The following STIL variants were observed in gnomAD, a reference collection of about 807,000 sequenced individuals.
STIL encodes SCL-interrupting locus protein.
In STIL, 55 loss-of-function variants were observed where a neutral mutation model predicts 110.1. The ratio of observed to expected loss-of-function variants is 0.50; its 90% CI spans 0.40 to 0.63. The LOEUF is 0.63. STIL is among the 20% of genes least tolerant of loss of function. STIL has a pLI of 0.00. For missense variants in STIL, 1,358 were observed against 1,530.0 expected (o/e 0.89, Z 1.87); for synonymous variants, 481 against 530.0 (o/e 0.91, Z 1.27).
chr1:47,284,759 GCACACCTGTAAT>G (rs1645245525), intron 10 of STIL, among the ~76,000 whole-genome samples: 1 of 151,946 alleles, frequency 6.6e-6, no homozygotes, highest in African/African-American at 2.4e-5. Flanking sequence ...GCGTGGTGAT[GCACACCTGTAAT>G]CCCAGCTACT....
rs755519709 is a variant in STIL at position 47,280,287 on chromosome 1, C to T, written c.2171G>A (p.Arg724Gln). 5.6e-6 allele frequency: 9 copies of T among 1,614,040 alleles called. No homozygotes were observed. Among genetic ancestry groups the T allele is most frequent in the Admixed American group, 5.0e-5 (3 of 60,000 alleles). ...GMMGLSPDAY[R>Q]FLTEQDRQLR... ...CTGTCTGTCTTGTTCTGTGAGGAAC[C>T]GATATGCATCTGGAGATAGTCCCAT... is the stretch of plus-strand genomic sequence containing the variant. The change falls in exon 12 of 17, where the codon CGG (arginine) becomes CAG (glutamine). Residue 724 changes from arginine (R) to glutamine (Q), a missense_variant. Coordinates refer to ENST00000371877, the MANE Select transcript of STIL (RefSeq NM_001048166.1).
At chr1:47,256,023 A>G (rs866496102) in intron 16 of STIL, among the ~76,000 whole-genome samples, 9 of 152,374 alleles carry the variant, frequency 5.9e-5, no homozygotes, top group Admixed American at 2.0e-4. Flanking sequence ...AGCATGGATT[A>G]TAAGGATTAG....
Position 47,302,563 on chromosome 1 carries a change from A to G in STIL, c.153-217T>C, listed in dbSNP as rs74935306. Among the ~76,000 whole-genome samples, 953 of 152,324 alleles carry G rather than the reference A, an allele frequency of 6.3e-3. 11 individuals are homozygous for G. The highest frequency in any genetic ancestry group is 0.021 in the African/African-American group (873 of 41,576). On this transcript the variant is annotated intron_variant, in intron 3 of 16. Coordinates refer to ENST00000371877, the MANE Select transcript of STIL (RefSeq NM_001048166.1). ...CTGAAACTATAGTTGTTCTCCAGGC[A>G]TTTTGTTAACTTTATGAACCTCAGC...
intron 12 of STIL, among the ~76,000 whole-genome samples, chr1:47,277,186 A>G (rs765042160): frequency 2.0e-5 from 3 of 152,214 alleles, no homozygotes; most frequent in Non-Finnish European, 4.4e-5. Context: ...CCAAGGAGGA[A>G]TATTTCAGGC....
chr1:47,278,673 T>C (rs1486921518), intron 12 of STIL, among the ~76,000 whole-genome samples: 2 of 152,120 alleles, frequency 1.3e-5, no homozygotes, highest in African/African-American at 4.8e-5. Flanking sequence ...ATCCAATTTA[T>C]ATTTTACATT....
In STIL at chr1:47,310,328, G is replaced by A; in HGVS notation, c.-9C>T. The stretch of plus-strand genomic sequence containing the variant: ...GGATATATAGGCTCCATGATGTCTG[G>A]TGAATGATTTCTTTAATTCCAAATC... On this transcript the variant is annotated 5_prime_UTR_variant, in exon 2 of 17. Coordinates refer to ENST00000371877, the MANE Select transcript of STIL (RefSeq NM_001048166.1). 6.2e-7 allele frequency: 1 copy of A among 1,612,210 alleles called. No homozygotes were observed.
At chr1:47,285,002 C>T (rs1325191170) in intron 10 of STIL, among the ~76,000 whole-genome samples, 1 of 149,802 alleles carries the variant, frequency 6.7e-6, no homozygotes, top group Non-Finnish European at 1.5e-5. Context: ...TACCAGCCTA[C>T]CTGTAGACAT....
intron 2 of STIL, among the ~76,000 whole-genome samples, chr1:47,308,420 G>T (rs1169158501): frequency 1.2e-4 from 2 of 16,376 alleles, no homozygotes; most frequent in Non-Finnish European, 3.0e-4. Context: ...AAAAGAAAAA[G>T]AAAATGGAAA....
rs181236980 is a variant in STIL, at chr1:47,299,768, T to C, written c.701+137A>G. The C allele has an allele frequency of 2.5e-5, 24 of 946,476 alleles. No individual in the cohort carries two copies. The East Asian group carries it at 5.9e-4, about 23-fold the overall frequency. 58.6% of individuals were successfully genotyped at this position (946,476 alleles called of 1,614,324 possible). A position where few individuals can be genotyped will look rare whatever the true frequency, so the allele number is the denominator to read the frequency against. On this transcript the variant is annotated intron_variant, in intron 6 of 16. Transcript: ENST00000371877. ...TTCAACGAAAATAAACCATTTCATTTTTTACTTTCCCTGGTTATTAACCAA... is the reference window on the plus strand; with the variant it reads ...TTCAACGAAAATAAACCATTTCATTCTTTACTTTCCCTGGTTATTAACCAA...
At position 47,280,619 on chromosome 1, in the gene STIL, T is replaced by C. The variant is rs778639072; in HGVS notation, c.1839A>G (p.Gln613=). The C allele has an allele frequency of 6.2e-6, 10 of 1,614,214 alleles. No individual in the cohort carries two copies. Among genetic ancestry groups the C allele is most frequent in the South Asian group, 1.1e-5 (1 of 91,084 alleles). Residue 613 remains glutamine (Q), a synonymous_variant, in exon 12 of 17, where the codon CAA becomes CAG. Coordinates refer to ENST00000371877, the MANE Select transcript of STIL (RefSeq NM_001048166.1). ...CRCCQHHSHI[Q]YSPLNSWQGA... is the part of the protein sequence containing the mutation. ...CTTGCCAAGAATTTAGCGGACTATATTGAATATGACTATGATGCTGACAAC... is the reference window on the plus strand; with the variant it reads ...CTTGCCAAGAATTTAGCGGACTATACTGAATATGACTATGATGCTGACAAC...
intron 5 of STIL, among the ~76,000 whole-genome samples, chr1:47,301,280 C>A (rs1232749980): frequency 6.6e-6 from 1 of 152,146 alleles, no homozygotes; most frequent in Non-Finnish European, 1.5e-5. Context: ...ATACTCCAGT[C>A]TGACTGCCCA....
At chr1:47,254,636 C>T (rs1644279366) in intron 16 of STIL, among the ~76,000 whole-genome samples, 9 of 151,698 alleles carry the variant, frequency 5.9e-5, no homozygotes, top group Admixed American at 5.9e-4. Flanking sequence ...ACTCAAGTGA[C>T]CCTCCTACCT....
chr1:47,285,591 G>A (rs1645273818), intron 10 of STIL, among the ~76,000 whole-genome samples: 1 of 152,082 alleles, frequency 6.6e-6, no homozygotes, highest in Middle Eastern at 3.4e-3. Context: ...CTGAGTAGCT[G>A]GGATTACAGG....
At chr1:47,270,086 A>G (rs544976704) in intron 13 of STIL, among the ~76,000 whole-genome samples, 37 of 151,928 alleles carry the variant, frequency 2.4e-4, no homozygotes, top group African/African-American at 8.5e-4. Flanking sequence ...AAAAAATACA[A>G]AAAAATTAGC....
chr1:47,303,385 TGAAACCC>T (rs966619291), intron 3 of STIL, among the ~76,000 whole-genome samples: 1 of 151,186 alleles, frequency 6.6e-6, no homozygotes, highest in East Asian at 1.9e-4. Flanking sequence ...ACTAACATGG[TGAAACCC>T]CATCTCTACC....
At chr1:47,253,101 G>A (rs1011278223) in intron 16 of STIL, among the ~76,000 whole-genome samples, 4 of 152,162 alleles carry the variant, frequency 2.6e-5, no homozygotes, top group South Asian at 4.1e-4. Context: ...ACAGGCGTGA[G>A]CCACTGTACC....
At chr1:47,309,409 G>A (rs1033363043) in intron 2 of STIL, among the ~76,000 whole-genome samples, 2 of 152,012 alleles carry the variant, frequency 1.3e-5, no homozygotes, top group African/African-American at 4.8e-5. Flanking sequence ...TAGGATTACA[G>A]GCATAAGCCA....
chr1:47,312,916 C>T (rs1035904863), intron 1 of STIL: 2 of 152,228 alleles, frequency 1.3e-5, no homozygotes. Context: ...TTTCCATACC[C>T]ACCACCTTAG....
intron 14 of STIL, 100 bp from the exon 15 acceptor site, chr1:47,263,216 G>A (rs1420402141): frequency 4.4e-6 from 5 of 1,131,078 alleles, no homozygotes; most frequent in Non-Finnish European, 6.5e-6. Flanking sequence ...AGCAGCACCT[G>A]GTTGTATTTT....
Sources: gnomAD v4.1 joint callset for allele counts (sites outside exome capture counted in the v4.1 genomes callset) on GRCh38, gnomAD v4.1.1 for gene constraint, MANE v1.5 for transcripts, NCBI Gene and HGNC (gene_info 2026-07-23, HGNC 2026-07-21) for gene names.